The following ERG variants were observed in gnomAD, a reference collection of about 807,000 sequenced individuals.
ERG encodes the protein transcriptional regulator ERG.
Under a neutral mutation model 55.3 loss-of-function variants are expected in ERG, and 9 were observed. The ratio of observed to expected loss-of-function variants is 0.16; its 90% confidence interval spans 0.10 to 0.28. ERG has a LOEUF of 0.28. Ranked by LOEUF, ERG falls within the 10% of genes least tolerant of loss-of-function variation. ERG has a pLI of 1.00. For missense variants in ERG, 434 were observed against 631.6 expected, an observed-to-expected ratio of 0.69 and a Z score of 3.35; for synonymous variants, 223 against 237.3, an observed-to-expected ratio of 0.94 and a Z score of 0.55.
chr21:38,470,161 T>C (rs529271456), intron 1 of ERG, among the ~76,000 whole-genome samples: 5 of 152,308 alleles, frequency 3.3e-5, no homozygotes, highest in East Asian at 3.9e-4. Flanking sequence ...GAAATGGCTA[T>C]AATGATTGCA....
intron 6 of ERG, among the ~76,000 whole-genome samples, chr21:38,398,538 CA>C (rs1988334999): frequency 6.6e-6 from 1 of 152,160 alleles, no homozygotes; most frequent in African/African-American, 2.4e-5. Flanking sequence ...AGGTCACGCT[CA>C]AATTATGGGC....
intron 1 of ERG, among the ~76,000 whole-genome samples, chr21:38,475,072 C>T (rs1407973853): frequency 6.6e-6 from 1 of 152,176 alleles, no homozygotes; most frequent in Admixed American, 6.5e-5. Context: ...AGTTAATGCA[C>T]CAGAATTCTA....
chr21:38,643,350 G>A lies in ERG; in HGVS notation c.-150+18308C>T, dbSNP rs376165584. Reference sequence around the variant, plus strand: ...AAACCTGAAGCAGGGGAACAAAAACGTCTATCTGGACACAGCCAGTGAGCC... The same window carrying A: ...AAACCTGAAGCAGGGGAACAAAAACATCTATCTGGACACAGCCAGTGAGCC... On this transcript the variant is annotated intron_variant, in intron 1 of 10. Coordinates refer to the ERG transcript ENST00000398910. 8.5e-5 allele frequency among the ~76,000 whole-genome samples: 13 copies of A among 152,164 alleles called. No homozygotes were observed. In the East Asian group the frequency reaches 2.1e-3, roughly 25 times the overall value.
At chr21:38,498,561 CAG>C, upstream of ERG, 1 of 1,307,250 alleles carries the variant, frequency 7.6e-7, no homozygotes, top group Non-Finnish European at 9.8e-7. The surrounding 1 kb of genome is among the most constrained non-coding windows in gnomAD (Gnocchi z 4.6). Context: ...CCCAAAGAAA[CAG>C]GATATTTGGG....
intron 3 of ERG, among the ~76,000 whole-genome samples, chr21:38,410,735 TG>T (rs1427023940): frequency 6.6e-6 from 1 of 152,260 alleles, no homozygotes; most frequent in Non-Finnish European, 1.5e-5. Flanking sequence ...ACTGTGCCTT[TG>T]TGAAACAAAA....
rs184283235 is a variant in ERG at position 38,594,365 on chromosome 21, C to A, written c.-149-9420G>T. ...CTCAGGACCTGAGGTTGACAACATG[C>A]CTCCCCGTTAACCCATGAAGCCTCA... On this transcript the variant is annotated intron_variant, in intron 1 of 10. Coordinates refer to the ERG transcript ENST00000398910. 1.6e-3 allele frequency among the ~76,000 whole-genome samples: 243 copies of A among 152,318 alleles called. 1 individual carries two copies. The highest frequency in any genetic ancestry group is 4.5e-3 in the African/African-American group (188 of 41,570).
At chr21:38,546,535 G>A (rs576669225) in intron 2 of ERG, among the ~76,000 whole-genome samples, 1 of 152,212 alleles carries the variant, frequency 6.6e-6, no homozygotes, top group East Asian at 1.9e-4. Flanking sequence ...TGACACAAGC[G>A]CCCACAAACC....
At chr21:38,475,945 C>T (rs1030077947) in intron 1 of ERG, among the ~76,000 whole-genome samples, 4 of 152,130 alleles carry the variant, frequency 2.6e-5, no homozygotes, top group African/African-American at 4.8e-5. Context: ...TGCCTTTCTG[C>T]CATTTCTTGG....
chr21:38,590,724 C>T (rs549268060), intron 1 of ERG, among the ~76,000 whole-genome samples: 3 of 152,210 alleles, frequency 2.0e-5, no homozygotes, highest in East Asian at 1.9e-4. Context: ...TCCATCCATA[C>T]GCACTGAGTT....
chr21:38,465,779 G>A (rs369313939), intron 1 of ERG, among the ~76,000 whole-genome samples: 17 of 152,294 alleles, frequency 1.1e-4, no homozygotes, highest in African/African-American at 3.6e-4. Context: ...TTTGCCACAC[G>A]TGCAATGACG....
chr21:38,586,814 G>A (rs7281275), upstream of ERG, among the ~76,000 whole-genome samples: 2,112 of 152,176 alleles, frequency 0.014, 56 homozygotes, highest in African/African-American at 0.048. Flanking sequence ...AAATGAAATC[G>A]GTATGTCAAA....
the ERG span, among the ~76,000 whole-genome samples, chr21:38,373,715 T>C: frequency 6.6e-6 from 1 of 152,196 alleles, no homozygotes; most frequent in Non-Finnish European, 1.5e-5. Flanking sequence ...GTCTACAAAG[T>C]CAGGGCCTGT....
intron 1 of ERG, among the ~76,000 whole-genome samples, chr21:38,603,253 CAA>C (rs1425672031): frequency 6.6e-6 from 1 of 152,028 alleles, no homozygotes; most frequent in Non-Finnish European, 1.5e-5. Context: ...ATGTGAATGG[CAA>C]AGACATCAAG....
chr21:38,624,237 C>T (rs2060310863), intron 1 of ERG, among the ~76,000 whole-genome samples: 1 of 142,792 alleles, frequency 7.0e-6, no homozygotes, highest in African/African-American at 2.5e-5. Flanking sequence ...CATGCTCTGG[C>T]ATACGCCACT....
intron 3 of ERG, 71 bp from the exon 4 acceptor site, chr21:38,403,780 C>T: frequency 5.5e-6 from 8 of 1,444,076 alleles, no homozygotes; most frequent in Non-Finnish European, 7.7e-6. Flanking sequence ...AGATCCCCAT[C>T]CACGTGGGAT....
chr21:38,501,358 C>T (rs1039311227), upstream of ERG, among the ~76,000 whole-genome samples: 6 of 151,826 alleles, frequency 4.0e-5, no homozygotes, highest in Admixed American at 2.0e-4. Context: ...TGAACCACCA[C>T]GCCCGGCCAA....
At chr21:38,473,228 A>G (rs2059156652) in intron 1 of ERG, among the ~76,000 whole-genome samples, 2 of 151,554 alleles carry the variant, frequency 1.3e-5, no homozygotes, top group East Asian at 1.9e-4. Flanking sequence ...AGGTCAAATA[A>G]ATTCCCAAAT....
chr21:38,567,835 C>G (rs2059932634), intron 2 of ERG, among the ~76,000 whole-genome samples: 1 of 152,190 alleles, frequency 6.6e-6, no homozygotes, highest in Non-Finnish European at 1.5e-5. Flanking sequence ...TCTGCATCTG[C>G]TTCGTGTTAT....
At chr21:38,546,800 G>C (rs973414085) in intron 2 of ERG, among the ~76,000 whole-genome samples, 26 of 152,222 alleles carry the variant, frequency 1.7e-4, no homozygotes, top group Admixed American at 1.2e-3. Flanking sequence ...TAAACGTGGA[G>C]TGTGCAGCAC....
Sources: allele counts gnomAD v4.1 joint callset (sites outside exome capture counted in the v4.1 genomes callset), GRCh38; gene constraint gnomAD v4.1.1; non-coding constraint Gnocchi (gnomAD v3.1); transcripts MANE v1.5; gene names NCBI Gene and HGNC (gene_info 2026-07-23, HGNC 2026-07-21).